Variants in HOXC12 observed in about 807,000 individuals in gnomAD.
HOXC12 encodes the protein homeobox C12, also known as homeobox protein Hox-C12.
A neutral mutation model predicts 20.9 loss-of-function variants in HOXC12; 24 were observed. The observed-to-expected ratio is 1.15, with a 90% confidence interval of 0.83 to 1.61. The LOEUF is 1.61. Among genes scored for constraint, HOXC12 ranks in the 40% most tolerant of loss-of-function variants. The probability of loss-of-function intolerance (pLI) is 0.00; values close to 1 mark genes in which losing one functional copy is unlikely to be tolerated. For synonymous variants in HOXC12, 202 were observed against 197.7 expected (o/e 1.02, Z -0.18); for missense variants, 436 against 406.9 (o/e 1.07, Z -0.62).
chr12:53,956,664 GCGT>G lies in HOXC12; in HGVS notation c.*100_*102del. The G allele has an allele frequency of 1.1e-6, 1 of 880,212 alleles. No individual in the cohort carries two copies. Among genetic ancestry groups the G allele is most frequent in the Non-Finnish European group, 1.8e-6 (1 of 560,368 alleles). The allele number at this position is 880,212 out of a possible 1,614,324, so 54.5% of individuals were successfully genotyped here. ...ACACAGTCCCCACTTAGAACGCCAG[GCGT>G]CTCTGGCAGGCCCTCCCTGGATATC... On this transcript the variant is annotated 3_prime_UTR_variant, in exon 2 of 2. Transcript: ENST00000243103.
In HOXC12 at chr12:53,955,376, C is replaced by G. The variant is rs1456566685; in HGVS notation, c.447C>G (p.Asp149Glu). The change falls in exon 1 of 2, where the codon GAC becomes GAG. Residue 149 changes from aspartate (D) to glutamate (E), a missense_variant. By Grantham distance (45) the Asp-to-Glu change is conservative. Coordinates refer to ENST00000243103, the MANE Select transcript of HOXC12 (RefSeq NM_173860.3). The stretch of plus-strand genomic sequence containing the variant: ...ACGCGGCGGGCGGCGGCGGTGGCGA[C>G]GGCGGCGGCGGCGCAGGACCTCCGC... ...YDYAAGGGGG[D>E]GGGGAGPPHD... is the part of the protein sequence containing the mutation. The G allele has an allele frequency of 4.8e-6, 7 of 1,454,162 alleles. No homozygotes were observed. Among genetic ancestry groups the G allele is most frequent in the Non-Finnish European group, 6.3e-6 (7 of 1,107,518 alleles). 90.1% of individuals were successfully genotyped at this position (1,454,162 alleles called of 1,614,324 possible). A position where few individuals can be genotyped will look rare whatever the true frequency, so the allele number is the denominator to read the frequency against.
At position 53,955,318 on chromosome 12, in the gene HOXC12, CG is replaced by C; in HGVS notation, c.393del (p.Pro132ArgfsTer63). 6.0e-6 allele frequency: 8 copies of C among 1,343,752 alleles called. No homozygotes were observed. The highest frequency in any genetic ancestry group is 7.6e-6 in the Non-Finnish European group (8 of 1,055,096). The allele number at this position is 1,343,752 out of a possible 1,614,324, so 83.2% of individuals were successfully genotyped here. A position where few individuals can be genotyped will look rare whatever the true frequency, so the allele number is the denominator to read the frequency against. On this transcript the variant is annotated frameshift_variant, in exon 1 of 2. Coordinates refer to ENST00000243103, the MANE Select transcript of HOXC12 (RefSeq NM_173860.3). LOFTEE classifies it high-confidence loss of function. ...PGAALLPLEP[S>X]GPPALGFKYD... ...GCAGCGCTGCTCCCGCTGGAGCCGTCGGGGCCGCCTGCGCTCGGCTTCAAGT... is the reference window on the plus strand; with the variant it reads ...GCAGCGCTGCTCCCGCTGGAGCCGTCGGGCCGCCTGCGCTCGGCTTCAAGT...
chr12:53,955,510 T>C lies in HOXC12; in HGVS notation c.581T>C (p.Leu194Ser). Residue 194 changes from leucine (L) to serine (S), a missense_variant, in exon 1 of 2, where the codon TTG becomes TCG. Physicochemically the swap from Leu to Ser is moderately radical, Grantham distance 145 (BLOSUM62 -2). Coordinates refer to ENST00000243103, the MANE Select transcript of HOXC12 (RefSeq NM_173860.3). ...AGDPGSLVSPLNPGGGLSASG... is the reference protein window; with the variant it reads ...AGDPGSLVSPSNPGGGLSASG... ...GACCCCGGCAGCTTGGTATCGCCGT[T>C]GAACCCCGGCGGCGGGCTCTCGGCC... 6.8e-7 allele frequency: 1 copy of C among 1,473,820 alleles called. No homozygotes were observed. The highest frequency in any genetic ancestry group is 9.0e-7 in the Non-Finnish European group (1 of 1,117,268). The allele number at this position is 1,473,820 out of a possible 1,614,324, so 91.3% of individuals were successfully genotyped here. A position where few individuals can be genotyped will look rare whatever the true frequency, so the allele number is the denominator to read the frequency against.
chr12:53,955,381 G>A lies in HOXC12; in HGVS notation c.452G>A (p.Gly151Asp). The change falls in exon 1 of 2, where the codon GGC (glycine) becomes GAC (aspartate). Residue 151 changes from glycine (G) to aspartate (D), a missense_variant. Gly to Asp is a moderately conservative substitution (Grantham distance 94). Coordinates refer to ENST00000243103, the MANE Select transcript of HOXC12 (RefSeq NM_173860.3). ...YAAGGGGGDGGGGAGPPHDPP... is the reference protein window; with the variant it reads ...YAAGGGGGDGDGGAGPPHDPP... ...GCGGGCGGCGGCGGTGGCGACGGCG[G>A]CGGCGGCGCAGGACCTCCGCACGAC... The A allele has an allele frequency of 4.1e-6, 6 of 1,468,300 alleles. No homozygotes were observed. Among genetic ancestry groups the A allele is most frequent in the Non-Finnish European group, 4.5e-6 (5 of 1,116,758 alleles). 91.0% of individuals were successfully genotyped at this position (1,468,300 alleles called of 1,614,324 possible).
Position 53,955,599 on chromosome 12 carries a change from G to C in HOXC12, c.610+60G>C, listed in dbSNP as rs1031851154. The C allele has an allele frequency of 5.9e-5, 80 of 1,348,428 alleles. No homozygotes were observed. In the African/African-American group the frequency reaches 1.2e-3, roughly 20 times the overall value. 83.5% of individuals were successfully genotyped at this position (1,348,428 alleles called of 1,614,324 possible). ...ACCCGACCTCTTACCAGGGCGGGCA[G>C]AACAGGACTGAGCTAGGGACGCCCA... On this transcript the variant is annotated intron_variant, in intron 1 of 1. Transcript: ENST00000243103.
chr12:53,955,330 C>A lies in HOXC12; in HGVS notation c.401C>A (p.Ala134Glu). The change falls in exon 1 of 2, where the codon GCG becomes GAG. Residue 134 changes from alanine to glutamate, a missense_variant. Physicochemically the swap from Ala to Glu is moderately radical, Grantham distance 107. Transcript: ENST00000243103. The part of the protein sequence containing the change: ...LLPLEPSGPP[A>E]LGFKYDYAAG... ...CCGCTGGAGCCGTCGGGGCCGCCTG[C>A]GCTCGGCTTCAAGTACGACTACGCG... The A allele has an allele frequency of 7.2e-7, 1 of 1,394,838 alleles. No individual in the cohort carries two copies. The highest frequency in any genetic ancestry group is 9.2e-7 in the Non-Finnish European group (1 of 1,083,258). The allele number at this position is 1,394,838 out of a possible 1,614,324, so 86.4% of individuals were successfully genotyped here.
intron 1 of HOXC12, 90 bp from the exon 2 acceptor site, chr12:53,956,238 G>A: frequency 3.0e-6 from 3 of 1,007,848 alleles, no homozygotes; most frequent in South Asian, 1.8e-5. Flanking sequence ...GCTGTGAGGC[G>A]AAGGTGAAAG....
At chr12:53,955,563 G>T in intron 1 of HOXC12, 24 bp downstream of exon 1, 2 of 1,390,896 alleles carry the variant, frequency 1.4e-6, no homozygotes, top group South Asian at 1.6e-5. Context: ...CCACTCAAGC[G>T]GCGGATTCAA....
chr12:53,955,584 T>C, intron 1 of HOXC12, 45 bp downstream of exon 1: 1 of 1,364,696 alleles, frequency 7.3e-7, no homozygotes, highest in Non-Finnish European at 9.4e-7. Context: ...ACCCGACCTC[T>C]TACCAGGGCG....
rs1288359269 is a variant in HOXC12, at chr12:53,956,431, C to T, written c.714C>T (p.Phe238=). The T allele has an allele frequency of 6.2e-7, 1 of 1,613,976 alleles. No homozygotes were observed. Among genetic ancestry groups the T allele is most frequent in the African/African-American group, 1.3e-5 (1 of 74,938 alleles). ...AGGGCGAGTTTCTGGTCAACGAGTT[C>T]ATCACACGCCAGCGCCGGAGGGAAC... ...ELEGEFLVNE[F]ITRQRRRELS... The change falls in exon 2 of 2, where the codon TTC becomes TTT. Residue 238 remains phenylalanine, a synonymous_variant. Transcript: ENST00000243103.
rs1001086354 is a variant in HOXC12 at position 53,956,829 on chromosome 12, G to C, written c.*263G>C. 53 of 370,416 alleles carry C rather than the reference G, an allele frequency of 1.4e-4. 1 individual carries two copies. Among genetic ancestry groups the C allele is most frequent in the Middle Eastern group, 1.3e-3 (2 of 1,506 alleles). 22.9% of individuals were successfully genotyped at this position (370,416 alleles called of 1,614,324 possible). A position where few individuals can be genotyped will look rare whatever the true frequency, so the allele number is the denominator to read the frequency against. ...TGCGGTTGGCAGGGGCAGGAAGGCT[G>C]AGGTGCTGCGGGCTGGTTTATTTGA... On this transcript the variant is annotated 3_prime_UTR_variant, in exon 2 of 2. Coordinates refer to ENST00000243103, the MANE Select transcript of HOXC12 (RefSeq NM_173860.3).
At position 53,955,321 on chromosome 12, in the gene HOXC12, G is replaced by A; in HGVS notation, c.392G>A (p.Gly131Glu). The change falls in exon 1 of 2, where the codon GGG (glycine) becomes GAG (glutamate). Residue 131 changes from glycine to glutamate, a missense_variant. Transcript: ENST00000243103. ...GCGCTGCTCCCGCTGGAGCCGTCGG[G>A]GCCGCCTGCGCTCGGCTTCAAGTAC... ...GAALLPLEPS[G>E]PPALGFKYDY... is the part of the protein sequence containing the mutation. The A allele has an allele frequency of 7.2e-7, 1 of 1,383,370 alleles. No homozygotes were observed. Among genetic ancestry groups the A allele is most frequent in the African/African-American group, 1.5e-5 (1 of 65,694 alleles). The allele number at this position is 1,383,370 out of a possible 1,614,324, so 85.7% of individuals were successfully genotyped here. A position where few individuals can be genotyped will look rare whatever the true frequency, so the allele number is the denominator to read the frequency against.
Position 53,955,346 on chromosome 12 carries a change from C to T in HOXC12, c.417C>T (p.Tyr139=). ...PSGPPALGFK[Y]DYAAGGGGGD... is the part of the protein sequence containing the mutation. ...GGCCGCCTGCGCTCGGCTTCAAGTA[C>T]GACTACGCGGCGGGCGGCGGCGGTG... Residue 139 remains tyrosine (Y), a synonymous_variant, in exon 1 of 2, where the codon TAC becomes TAT. Coordinates refer to ENST00000243103, the MANE Select transcript of HOXC12 (RefSeq NM_173860.3). The T allele has an allele frequency of 7.1e-7, 1 of 1,411,064 alleles. No individual in the cohort carries two copies. Among genetic ancestry groups the T allele is most frequent in the Non-Finnish European group, 9.2e-7 (1 of 1,085,726 alleles). The allele number at this position is 1,411,064 out of a possible 1,614,324, so 87.4% of individuals were successfully genotyped here.
rs755851398 is a variant in HOXC12 at position 53,955,122 on chromosome 12, C to A, written c.193C>A (p.Pro65Thr). 1 of 1,610,990 alleles carries A rather than the reference C, an allele frequency of 6.2e-7. No homozygotes were observed. Among genetic ancestry groups the A allele is most frequent in the Admixed American group, 1.7e-5 (1 of 59,824 alleles). The change falls in exon 1 of 2, where the codon CCG (proline) becomes ACG (threonine). Residue 65 changes from proline (P) to threonine (T), a missense_variant. By Grantham distance (38) the Pro-to-Thr change is conservative. Coordinates refer to ENST00000243103, the MANE Select transcript of HOXC12 (RefSeq NM_173860.3). ...GTCGGCGGAGCCGTGCAATGGCTAC[C>A]CGCAGCCCTACCTCGGCAGCCCAGT... is the stretch of plus-strand genomic sequence containing the variant. ...WPSAEPCNGYPQPYLGSPVSL... is the reference protein window; with the variant it reads ...WPSAEPCNGYTQPYLGSPVSL...
rs778955418 is a variant in HOXC12 at position 53,956,579 on chromosome 12, G to C, written c.*13G>C. ...CTCCTTCTTTTAAGGTGCAGGACAC[G>C]GGCGCCAGCCCCAGACTGAGCCTGT... On this transcript the variant is annotated 3_prime_UTR_variant, in exon 2 of 2. Transcript: ENST00000243103. The C allele has an allele frequency of 1.3e-5, 21 of 1,587,820 alleles. No homozygotes were observed. In the South Asian group the frequency reaches 2.4e-4, roughly 18 times the overall value.
In HOXC12 at chr12:53,956,364, A is replaced by G; in HGVS notation, c.647A>G (p.Lys216Arg). Residue 216 changes from lysine to arginine, a missense_variant, in exon 2 of 2, where the codon AAG (lysine) becomes AGG (arginine). Physicochemically the swap from Lys to Arg is conservative, Grantham distance 26. Coordinates refer to ENST00000243103, the MANE Select transcript of HOXC12 (RefSeq NM_173860.3). ...TACCCGATCAACAGCCGCTCTCGGA[A>G]GAAGCGCAAGCCCTATTCGAAGTTG... ...PWYPINSRSR[K>R]KRKPYSKLQL... 6.2e-7 allele frequency: 1 copy of G among 1,602,856 alleles called. No individual in the cohort carries two copies. Among genetic ancestry groups the G allele is most frequent in the South Asian group, 1.1e-5 (1 of 89,538 alleles).
chr12:53,955,460 G>A lies in HOXC12; in HGVS notation c.531G>A (p.Glu177=), dbSNP rs758476294. 6.0e-6 allele frequency: 9 copies of A among 1,504,922 alleles called. No individual in the cohort carries two copies. In the East Asian group the frequency reaches 2.4e-4, roughly 41 times the overall value. 93.2% of individuals were successfully genotyped at this position (1,504,922 alleles called of 1,614,324 possible). A position where few individuals can be genotyped will look rare whatever the true frequency, so the allele number is the denominator to read the frequency against. Reference sequence around the variant, plus strand: ...ACTCCAGTTCGTCCCTGCTCAACGAGGGCAACAAGGGCGCCGGCGCAGGCG... The same window carrying A: ...ACTCCAGTTCGTCCCTGCTCAACGAAGGCAACAAGGGCGCCGGCGCAGGCG... ...ESDSSSSLLN[E]GNKGAGAGDP... is the part of the protein sequence containing the mutation. Residue 177 remains glutamate, a synonymous_variant, in exon 1 of 2, where the codon GAG becomes GAA. Transcript: ENST00000243103.
chr12:53,956,440 C>A lies in HOXC12; in HGVS notation c.723C>A (p.Arg241=). 6.2e-7 allele frequency: 1 copy of A among 1,614,150 alleles called. No homozygotes were observed. The highest frequency in any genetic ancestry group is 8.5e-7 in the Non-Finnish European group (1 of 1,179,996). Residue 241 remains arginine (R), a synonymous_variant, in exon 2 of 2, where the codon CGC becomes CGA. Coordinates refer to ENST00000243103, the MANE Select transcript of HOXC12 (RefSeq NM_173860.3). The stretch of plus-strand genomic sequence containing the variant: ...TTCTGGTCAACGAGTTCATCACACG[C>A]CAGCGCCGGAGGGAACTCTCAGACC... ...GEFLVNEFIT[R]QRRRELSDRL...
intron 1 of HOXC12, 136 bp from the exon 2 acceptor site, chr12:53,956,192 C>T: frequency 4.7e-6 from 3 of 636,008 alleles, no homozygotes; most frequent in Middle Eastern, 4.4e-4. Context: ...AGATGACTGG[C>T]GGCAAGGAGA....
Sources: gnomAD v4.1 joint callset for allele counts on GRCh38, gnomAD v4.1.1 for gene constraint, MANE v1.5 for transcripts, NCBI Gene and HGNC (gene_info 2026-07-23, HGNC 2026-07-21) for gene names.